COL28A1: variants seen among roughly 807,000 people sequenced by gnomAD.
The protein encoded by COL28A1 is collagen type XXVIII alpha 1 chain.
COL28A1 carries 161 observed loss-of-function variants against 150.2 expected under a neutral mutation model. The ratio of observed to expected loss-of-function variants is 1.07; its 90% CI spans 0.94 to 1.22. The LOEUF is 1.22. Among genes scored for constraint, COL28A1 ranks in the 50% most tolerant of loss-of-function variants. The probability of loss-of-function intolerance (pLI) is 0.00; values close to 1 mark genes in which losing one functional copy is unlikely to be tolerated. For synonymous variants in COL28A1, 552 were observed against 469.7 expected, an observed-to-expected ratio of 1.18 and a Z score of -2.26; for missense variants, 1,617 against 1,388.3, an observed-to-expected ratio of 1.16 and a Z score of -2.62.
At chr7:7,376,721 G>A (rs1028142530) in intron 30 of COL28A1, among the ~76,000 whole-genome samples, 15 of 27,564 alleles carry the variant, frequency 5.4e-4, no homozygotes, top group South Asian at 3.6e-3. Context: ...TTTTATAAAC[G>A]GAGAAAATAC....
chr7:7,472,653 C>T (rs1481165460), intron 15 of COL28A1, among the ~76,000 whole-genome samples: 3 of 152,166 alleles, frequency 2.0e-5, no homozygotes, highest in African/African-American at 7.2e-5. Flanking sequence ...CATCATTCTT[C>T]ACAGAATTAG....
At chr7:7,437,328 C>T in intron 22 of COL28A1, 66 bp downstream of exon 22, 1 of 1,544,068 alleles carries the variant, frequency 6.5e-7, no homozygotes, top group Non-Finnish European at 8.7e-7. Flanking sequence ...TCACTGGTAT[C>T]ATGATTTTTT....
chr7:7,459,445 G>A lies in COL28A1; in HGVS notation c.1303-3333C>T, dbSNP rs142273662. On this transcript the variant is annotated intron_variant, in intron 15 of 34. Coordinates refer to ENST00000399429, the MANE Select transcript of COL28A1 (RefSeq NM_001037763.3). ...CAGCAAATAAAAATAAGTCATTCAAGATTGAAACCCAGCACTTGAGATAAT... is the reference window on the plus strand; with the variant it reads ...CAGCAAATAAAAATAAGTCATTCAAAATTGAAACCCAGCACTTGAGATAAT... Among the ~76,000 whole-genome samples, 9 of 152,280 alleles carry A rather than the reference G, an allele frequency of 5.9e-5. No individual in the cohort carries two copies. The South Asian group carries it at 1.7e-3, about 28-fold the overall frequency.
chr7:7,499,707 A>G (rs1780418190), intron 11 of COL28A1, among the ~76,000 whole-genome samples: 2 of 152,192 alleles, frequency 1.3e-5, no homozygotes, highest in Non-Finnish European at 2.9e-5. Context: ...GTTTGAGGAG[A>G]AAGTTTAAAA....
chr7:7,433,869 C>G (rs553499116), intron 23 of COL28A1, among the ~76,000 whole-genome samples: 2 of 152,038 alleles, frequency 1.3e-5, no homozygotes, highest in Non-Finnish European at 2.9e-5. Context: ...ACAGGCAGAC[C>G]TTTGTTTTGC....
chr7:7,495,633 A>G (rs1780165567), intron 11 of COL28A1, among the ~76,000 whole-genome samples: 1 of 152,126 alleles, frequency 6.6e-6, no homozygotes, highest in Non-Finnish European at 1.5e-5. Flanking sequence ...CTCTGCCACC[A>G]TATGCAACGC....
rs562763141 is a variant in COL28A1, at chr7:7,383,381, C to T, written c.2137-1769G>A. On this transcript the variant is annotated intron_variant, in intron 27 of 34. Transcript: ENST00000399429. ...GCAGTCCCCACCTCTCAAGTTCAAG[C>T]GATTCTCCTGCCTCAGCCTCCTGAG... is the stretch of plus-strand genomic sequence containing the variant. Among the ~76,000 whole-genome samples the T allele has an allele frequency of 1.2e-3, 180 of 150,828 alleles. 1 individual carries two copies. Among genetic ancestry groups the T allele is most frequent in the Non-Finnish European group, 2.1e-3 (144 of 67,800 alleles).
rs954192845 is a variant in COL28A1 at position 7,473,485 on chromosome 7, G to C, written c.1302+1116C>G. ...GAAATGCAAATCAAAACCACAATGT[G>C]ATACCACCTTACTCCTGCAAGAATG... On this transcript the variant is annotated intron_variant, in intron 15 of 34. Transcript: ENST00000399429. Among the ~76,000 whole-genome samples the C allele has an allele frequency of 8.5e-5, 13 of 152,122 alleles. No individual in the cohort carries two copies. The East Asian group carries it at 1.2e-3, about 14-fold the overall frequency.
rs1158559520 is a variant in COL28A1 at position 7,375,383 on chromosome 7, G to A, written c.2359+78C>T. 1.1e-5 allele frequency: 15 copies of A among 1,324,350 alleles called. 1 individual carries two copies. Among genetic ancestry groups the A allele is most frequent in the East Asian group, 5.0e-5 (2 of 39,634 alleles). 82.0% of individuals were successfully genotyped at this position (1,324,350 alleles called of 1,614,324 possible). A position where few individuals can be genotyped will look rare whatever the true frequency, so the allele number is the denominator to read the frequency against. ...CTAGCTATATAATATACATCTGGAC[G>A]AACACATTCTGTCACCAGCACAGTA... On this transcript the variant is annotated intron_variant, in intron 31 of 34. Coordinates refer to ENST00000399429, the MANE Select transcript of COL28A1 (RefSeq NM_001037763.3).
chr7:7,503,851 C>T (rs543885824), intron 11 of COL28A1, among the ~76,000 whole-genome samples: 11 of 152,252 alleles, frequency 7.2e-5, no homozygotes, highest in African/African-American at 2.2e-4. Flanking sequence ...TCATAGACTC[C>T]GAGCGATCCC....
At chr7:7,436,816 G>T (rs1224224901) in intron 22 of COL28A1, among the ~76,000 whole-genome samples, 1 of 152,168 alleles carries the variant, frequency 6.6e-6, no homozygotes, top group Admixed American at 6.5e-5. Context: ...AAGGCAGGCG[G>T]GTCACTTGAA....
intron 18 of COL28A1, among the ~76,000 whole-genome samples, chr7:7,451,047 GGA>G (rs1194415634): frequency 6.6e-6 from 1 of 152,086 alleles, no homozygotes; most frequent in Admixed American, 6.5e-5. Context: ...TTATGTGTGA[GGA>G]GAGAAGGGAG....
intron 6 of COL28A1, 108 bp from the exon 7 acceptor site, chr7:7,517,945 T>C: frequency 2.2e-6 from 3 of 1,364,468 alleles, no homozygotes; most frequent in African/African-American, 1.5e-5. Flanking sequence ...TTAGGAAACA[T>C]CTTTAGTCTT....
intron 32 of COL28A1, among the ~76,000 whole-genome samples, chr7:7,371,935 C>G (rs938041848): frequency 6.6e-6 from 1 of 151,956 alleles, no homozygotes; most frequent in African/African-American, 2.4e-5. Flanking sequence ...CAGGTTCCAG[C>G]AATTCTTCCG....
chr7:7,514,838 C>T (rs1781333623), intron 8 of COL28A1, among the ~76,000 whole-genome samples: 1 of 152,184 alleles, frequency 6.6e-6, no homozygotes, highest in South Asian at 2.1e-4. Flanking sequence ...AAGCCCGCTA[C>T]ATGACCTCTC....
chr7:7,508,156 C>T (rs1479172366), intron 9 of COL28A1, among the ~76,000 whole-genome samples: 2 of 151,480 alleles, frequency 1.3e-5, no homozygotes, highest in African/African-American at 4.9e-5. Flanking sequence ...AGCGTGAACC[C>T]GGGAGGCGGA....
chr7:7,351,761 G>C (rs1039602329), downstream of COL28A1, among the ~76,000 whole-genome samples: 2 of 152,044 alleles, frequency 1.3e-5, no homozygotes, highest in African/African-American at 4.8e-5. Flanking sequence ...GTGTGTGTAT[G>C]TGTGTGTATG....
chr7:7,457,745 C>T (rs1787287440), intron 15 of COL28A1, among the ~76,000 whole-genome samples: 2 of 152,098 alleles, frequency 1.3e-5, no homozygotes, highest in African/African-American at 2.4e-5. Context: ...GCCAGAGAGA[C>T]CAAGTGAAGA....
the COL28A1 span, among the ~76,000 whole-genome samples, chr7:7,346,902 G>T: frequency 6.6e-6 from 1 of 152,014 alleles, no homozygotes; most frequent in South Asian, 2.1e-4. Context: ...TTATTTGCCA[G>T]AGCCTTTTGA....
Sources: allele counts gnomAD v4.1 joint callset (sites outside exome capture counted in the v4.1 genomes callset), GRCh38; gene constraint gnomAD v4.1.1; transcripts MANE v1.5; gene names NCBI Gene and HGNC (gene_info 2026-07-23, HGNC 2026-07-21).